DPP10: variants seen among roughly 807,000 people sequenced by gnomAD.
The protein encoded by DPP10 is inactive dipeptidyl peptidase 10.
DPP10 carries 33 observed loss-of-function variants against 120.9 expected under a neutral mutation model. The observed-to-expected ratio is 0.27, with a 90% CI of 0.21 to 0.37. The LOEUF (loss-of-function observed/expected upper bound fraction) is 0.37. DPP10 is among the 10% of genes least tolerant of loss of function. The pLI is 1.00. For synonymous variants in DPP10, 337 were observed against 326.1 expected (o/e 1.03, Z -0.36); for missense variants, 816 against 942.8 (o/e 0.87, Z 1.76).
chr2:115,242,306 A>G (rs2058323865), intron 1 of DPP10, among the ~76,000 whole-genome samples: 1 of 150,506 alleles, frequency 6.6e-6, no homozygotes. Context: ...CTCCAATCCC[A>G]TCCAGGTTGC....
At chr2:115,724,191 A>G (rs990073459) in intron 7 of DPP10, among the ~76,000 whole-genome samples, 1 of 152,194 alleles carries the variant, frequency 6.6e-6, no homozygotes, top group South Asian at 2.1e-4. Flanking sequence ...CAAGATCTTC[A>G]TAGACTTTAA....
rs1706841511 is a variant in DPP10, at chr2:115,066,384, A to G, written c.61-242855A>G. Among the ~76,000 whole-genome samples the G allele has an allele frequency of 2.0e-5, 3 of 146,680 alleles. No homozygotes were observed. The South Asian group carries it at 6.3e-4, about 31-fold the overall frequency. The stretch of plus-strand genomic sequence containing the variant: ...ATTTATACATCAAGATTATGCAAAA[A>G]AATGAGAAAAAATAAAAATATGAAA... On this transcript the variant is annotated intron_variant, in intron 1 of 25. Transcript: ENST00000410059.
At chr2:115,790,112 G>A (rs1043939059) in intron 17 of DPP10, among the ~76,000 whole-genome samples, 4 of 142,582 alleles carry the variant, frequency 2.8e-5, no homozygotes, top group Non-Finnish European at 6.0e-5. Context: ...TCGCTCTGTC[G>A]CCCAGGCCGG....
chr2:115,379,471 C>T (rs1302290468), intron 3 of DPP10, among the ~76,000 whole-genome samples: 1 of 152,050 alleles, frequency 6.6e-6, no homozygotes, highest in Admixed American at 6.6e-5. Context: ...TGCTAGCGGT[C>T]TGTCAATTTT....
At chr2:114,521,991 T>A (rs1381584731) in intron 1 of DPP10, among the ~76,000 whole-genome samples, 37 of 147,160 alleles carry the variant, frequency 2.5e-4, no homozygotes, top group African/African-American at 9.3e-4. Flanking sequence ...GTATTTTTTT[T>A]TTTTTTGAGA....
intron 3 of DPP10, among the ~76,000 whole-genome samples, chr2:115,361,082 G>T (rs1299688370): frequency 6.6e-6 from 1 of 152,096 alleles, no homozygotes; most frequent in Non-Finnish European, 1.5e-5. Flanking sequence ...AGGGCATGGA[G>T]CTCCCTCAGG....
rs181722026 is a variant in DPP10, at chr2:114,780,940, T to C, written c.60+338102T>C. ...CATTTGTCAGTTACTGTGAATAGAA[T>C]GGTGAATGAGACATTTAATTTGCAT... On this transcript the variant is annotated intron_variant, in intron 1 of 25. Transcript: ENST00000410059. Among the ~76,000 whole-genome samples, 1,002 of 152,210 alleles carry C rather than the reference T, an allele frequency of 6.6e-3. 17 individuals carry two copies. Among genetic ancestry groups the C allele is most frequent in the African/African-American group, 0.022 (915 of 41,560 alleles).
chr2:114,555,018 G>A (rs1260642475), intron 1 of DPP10, among the ~76,000 whole-genome samples: 1 of 152,188 alleles, frequency 6.6e-6, no homozygotes, highest in Non-Finnish European at 1.5e-5. Flanking sequence ...CATCGAGGTT[G>A]GGAGAATGCT....
chr2:114,984,264 C>T (rs1401738612), intron 1 of DPP10, among the ~76,000 whole-genome samples: 1 of 152,010 alleles, frequency 6.6e-6, no homozygotes, highest in African/African-American at 2.4e-5. Flanking sequence ...CATTTTTTCT[C>T]ATCAAATGCA....
At chr2:115,055,268 G>A (rs1705811773) in intron 1 of DPP10, among the ~76,000 whole-genome samples, 1 of 152,096 alleles carries the variant, frequency 6.6e-6, no homozygotes, top group Admixed American at 6.5e-5. Flanking sequence ...CTTCCATAAA[G>A]CTTGTCCTGG....
chr2:115,527,573 T>A (rs1396837004), intron 5 of DPP10, among the ~76,000 whole-genome samples: 1 of 152,016 alleles, frequency 6.6e-6, no homozygotes, highest in Non-Finnish European at 1.5e-5. Context: ...CAAGTTACAG[T>A]CTAGAAGAAA....
chr2:115,637,520 GC>G (rs2086441570), intron 5 of DPP10, among the ~76,000 whole-genome samples: 1 of 152,110 alleles, frequency 6.6e-6, no homozygotes, highest in Non-Finnish European at 1.5e-5. Flanking sequence ...GTAAGATTGG[GC>G]AACAGTGACA....
intron 1 of DPP10, among the ~76,000 whole-genome samples, chr2:115,241,816 T>A (rs910765804): frequency 6.6e-6 from 1 of 152,234 alleles, no homozygotes; most frequent in Non-Finnish European, 1.5e-5. Flanking sequence ...TGAAAATCCT[T>A]CTATACCTCA....
At chr2:114,805,849 G>A (rs1684675400) in intron 1 of DPP10, among the ~76,000 whole-genome samples, 1 of 151,486 alleles carries the variant, frequency 6.6e-6, no homozygotes. Flanking sequence ...CAACTTATTG[G>A]CCATAATTAT....
chr2:114,900,786 T>G (rs970148064), intron 1 of DPP10, among the ~76,000 whole-genome samples: 1 of 152,160 alleles, frequency 6.6e-6, no homozygotes, highest in Non-Finnish European at 1.5e-5. Context: ...AGGTTAAAAG[T>G]TCCCCAAAAT....
At chr2:114,454,398 T>C (rs1475219238) in intron 1 of DPP10, among the ~76,000 whole-genome samples, 1 of 152,190 alleles carries the variant, frequency 6.6e-6, no homozygotes, top group Non-Finnish European at 1.5e-5. Flanking sequence ...AAACATTAAC[T>C]TGCCCAATGT....
At chr2:115,397,444 G>C (rs997457431) in intron 3 of DPP10, among the ~76,000 whole-genome samples, 1 of 152,098 alleles carries the variant, frequency 6.6e-6, no homozygotes, top group African/African-American at 2.4e-5. Flanking sequence ...AAAAAAGATA[G>C]TGTGCCATAG....
At chr2:115,293,319 A>G (rs2060740425) in intron 1 of DPP10, among the ~76,000 whole-genome samples, 1 of 152,128 alleles carries the variant, frequency 6.6e-6, no homozygotes, top group Non-Finnish European at 1.5e-5. Flanking sequence ...ATTTAGTAGT[A>G]TGAACCGAAT....
intron 1 of DPP10, among the ~76,000 whole-genome samples, chr2:115,035,296 G>A (rs947808480): frequency 6.6e-6 from 1 of 152,194 alleles, no homozygotes; most frequent in Non-Finnish European, 1.5e-5. Context: ...CAGTCAGGCA[G>A]AACAGGGTAC....
Sources: allele counts gnomAD v4.1 joint callset (sites outside exome capture counted in the v4.1 genomes callset), GRCh38; gene constraint gnomAD v4.1.1; transcripts MANE v1.5; gene names NCBI Gene and HGNC (gene_info 2026-07-23, HGNC 2026-07-21).